MFSD8: variants seen among roughly 807,000 people sequenced by gnomAD.
The protein encoded by MFSD8 is major facilitator superfamily domain containing 8.
Under a neutral mutation model 66.4 loss-of-function variants are expected in MFSD8, and 55 were observed. The observed-to-expected ratio is 0.83, with a 90% confidence interval of 0.67 to 1.04. The LOEUF is 1.04. Ranked by LOEUF, MFSD8 falls within the 50% of genes least tolerant of loss-of-function variation. MFSD8 has a pLI of 0.00. For synonymous variants in MFSD8, 202 were observed against 212.8 expected, an observed-to-expected ratio of 0.95 and a Z score of 0.44; for missense variants, 550 against 627.6, an observed-to-expected ratio of 0.88 and a Z score of 1.32.
chr4:127,938,283 A>G (rs1739407239), intron 7 of MFSD8, among the ~76,000 whole-genome samples: 1 of 152,098 alleles, frequency 6.6e-6, no homozygotes, highest in Non-Finnish European at 1.5e-5. Flanking sequence ...CAAATAACCA[A>G]TATGGGTATG....
chr4:127,938,771 G>T lies in MFSD8; in HGVS notation c.754+12C>A. 6.3e-7 allele frequency: 1 copy of T among 1,596,896 alleles called. No homozygotes were observed. Among genetic ancestry groups the T allele is most frequent in the Non-Finnish European group, 8.6e-7 (1 of 1,165,868 alleles). ...AATGTTATATTAATTCAGCCAAATG[G>T]GTTAAAAGTACCTTCTTCAAAATTA... On this transcript the variant is annotated intron_variant, in intron 7 of 11. Transcript: ENST00000641686.
In MFSD8 at chr4:127,946,186, A is replaced by G. The variant is rs537285085; in HGVS notation, c.199-2194T>C. On this transcript the variant is annotated intron_variant, in intron 3 of 11. Transcript: ENST00000641686. Reference sequence around the variant, plus strand: ...GCAATCCTCCCAACTTGGCCTCCCAAAGCGCTGGGATTACAGGCACGTGAG... The same window carrying G: ...GCAATCCTCCCAACTTGGCCTCCCAGAGCGCTGGGATTACAGGCACGTGAG... Among the ~76,000 whole-genome samples the G allele has an allele frequency of 9.9e-5, 15 of 152,210 alleles. No individual in the cohort carries two copies. In the South Asian group the frequency reaches 2.9e-3, roughly 30 times the overall value.
At chr4:127,939,169 A>T (rs1400519238) in intron 6 of MFSD8, 1 of 174,204 alleles carries the variant, frequency 5.7e-6, no homozygotes, top group Admixed American at 6.2e-5. Context: ...TAAATAAAAC[A>T]TAATTTTAAA....
chr4:127,924,475 G>T (rs149689092), intron 9 of MFSD8, among the ~76,000 whole-genome samples: 4,637 of 152,200 alleles, frequency 0.03, 104 homozygotes, highest in Non-Finnish European at 0.049. Context: ...AATCAAGAGT[G>T]AACTGCCATT....
chr4:127,944,082 C>A (rs1740649216), intron 3 of MFSD8, 90 bp from the exon 4 acceptor site: 4 of 1,557,956 alleles, frequency 2.6e-6, no homozygotes, highest in African/African-American at 1.4e-5. Context: ...GATTTCCTAT[C>A]AAAAAATAAA....
At chr4:127,949,353 C>A (rs911178131) in intron 3 of MFSD8, among the ~76,000 whole-genome samples, 1 of 152,128 alleles carries the variant, frequency 6.6e-6, no homozygotes, top group African/African-American at 2.4e-5. Flanking sequence ...ATAACAGCAT[C>A]AAAAAATACA....
chr4:127,947,577 C>CAA (rs995388172), intron 3 of MFSD8, among the ~76,000 whole-genome samples: 92 of 56,708 alleles, frequency 1.6e-3, no homozygotes, highest in African/African-American at 4.0e-3. Flanking sequence ...GACTCCATTG[C>CAA]AAAAAAAAAA....
chr4:127,959,074 G>A (rs1214274744), intron 1 of MFSD8, among the ~76,000 whole-genome samples: 1 of 152,204 alleles, frequency 6.6e-6, no homozygotes, highest in Non-Finnish European at 1.5e-5. Flanking sequence ...CTCTTAACAA[G>A]TGGTCATGTT....
rs150263315 is a variant in MFSD8 at position 127,932,060 on chromosome 4, G to A, written c.863+925C>T. On this transcript the variant is annotated intron_variant, in intron 8 of 11. Transcript: ENST00000641686. Reference sequence around the variant, plus strand: ...CAGGAGGTCAAGGCTGCAGTGAGCCGTGATTGCACCACTGCACTCCAGCCT... The same window carrying A: ...CAGGAGGTCAAGGCTGCAGTGAGCCATGATTGCACCACTGCACTCCAGCCT... 3.3e-3 allele frequency among the ~76,000 whole-genome samples: 500 copies of A among 152,290 alleles called. 2 individuals are homozygous for A. Among genetic ancestry groups the A allele is most frequent in the South Asian group, 5.0e-3 (24 of 4,820 alleles).
intron 3 of MFSD8, among the ~76,000 whole-genome samples, chr4:127,948,169 GGCA>G (rs953480024): frequency 3.9e-5 from 6 of 152,070 alleles, no homozygotes; most frequent in African/African-American, 1.4e-4. Flanking sequence ...GTATGAACAG[GGCA>G]GGAGAGGTCT....
At chr4:127,933,119 C>T (rs376057708) in intron 7 of MFSD8, 26 bp from the exon 8 acceptor site, 7 of 1,529,742 alleles carry the variant, frequency 4.6e-6, no homozygotes, top group African/African-American at 2.7e-5. Context: ...AGAAAAATTA[C>T]ATTACCTATA....
In MFSD8 at chr4:127,942,173, AC is replaced by A; in HGVS notation, c.440-16del. On this transcript the variant is annotated splice_polypyrimidine_tract_variant and intron_variant, in intron 4 of 11. Coordinates refer to ENST00000641686, the MANE Select transcript of MFSD8 (RefSeq NM_001371596.2). ...TGCTACATTTCCTTAAAAACAAGAC[AC>A]AATAATCCAAAGTAAAAGAAAGTAT... 1 of 1,563,570 alleles carries A rather than the reference AC, an allele frequency of 6.4e-7. No individual in the cohort carries two copies. Among genetic ancestry groups the A allele is most frequent in the East Asian group, 2.2e-5 (1 of 44,618 alleles).
At chr4:127,937,029 T>G (rs749042921) in intron 7 of MFSD8, among the ~76,000 whole-genome samples, 2 of 152,228 alleles carry the variant, frequency 1.3e-5, no homozygotes, top group African/African-American at 2.4e-5. Flanking sequence ...CTGCTGGCAC[T>G]TCACCTCTCA....
intron 3 of MFSD8, among the ~76,000 whole-genome samples, chr4:127,947,895 C>T (rs1741333911): frequency 6.7e-6 from 1 of 148,966 alleles, no homozygotes; most frequent in Non-Finnish European, 1.5e-5. Flanking sequence ...CACACACACA[C>T]ACACTCTCTC....
At chr4:127,947,521 C>T (rs1272394234) in intron 3 of MFSD8, among the ~76,000 whole-genome samples, 3 of 149,270 alleles carry the variant, frequency 2.0e-5, no homozygotes, top group African/African-American at 4.9e-5. Context: ...GAGATTGCAG[C>T]GCACCAAGAT....
At chr4:127,922,067 T>TG in intron 9 of MFSD8, 104 bp from the exon 10 acceptor site, 1 of 1,060,906 alleles carries the variant, frequency 9.4e-7, no homozygotes, top group Non-Finnish European at 1.4e-6. Context: ...GTACTTTTAG[T>TG]GATATATCCA....
At chr4:127,962,321 G>A (rs116187358) in intron 1 of MFSD8, among the ~76,000 whole-genome samples, 3,981 of 152,066 alleles carry the variant, frequency 0.026, 154 homozygotes, top group African/African-American at 0.091. Context: ...ACAAAAATTA[G>A]CCGTGTCTGG....
At chr4:127,940,538 A>ATATG (rs890487889) in intron 5 of MFSD8, among the ~76,000 whole-genome samples, 3,488 of 140,580 alleles carry the variant, frequency 0.025, 53 homozygotes, top group Non-Finnish European at 0.029. Flanking sequence ...ATATATATAT[A>ATATG]TGTGTGTGTG....
At chr4:127,935,028 T>C (rs1172568011) in intron 7 of MFSD8, among the ~76,000 whole-genome samples, 1 of 152,172 alleles carries the variant, frequency 6.6e-6, no homozygotes. Context: ...TCAGGATTCT[T>C]GAGAAGGAGT....
Sources: allele counts gnomAD v4.1 joint callset (sites outside exome capture counted in the v4.1 genomes callset), GRCh38; gene constraint gnomAD v4.1.1; transcripts MANE v1.5; gene names NCBI Gene and HGNC (gene_info 2026-07-23, HGNC 2026-07-21).